The following CWH43 variants were observed in gnomAD, a reference collection of about 807,000 sequenced individuals.
CWH43 encodes the protein PGAP2-interacting protein.
A neutral mutation model predicts 85.7 loss-of-function variants in CWH43; 91 were observed. That is an observed-to-expected ratio of 1.06 (90% CI 0.90 to 1.26). The LOEUF is 1.26. Ranked by LOEUF, CWH43 falls within the 50% of genes most tolerant of loss-of-function variation. CWH43 has a pLI of 0.00. For missense variants in CWH43, 869 were observed against 839.2 expected (o/e 1.04, Z -0.44); for synonymous variants, 323 against 293.6 (o/e 1.10, Z -1.02).
chr4:49,054,949 C>A (rs938147741), intron 15 of CWH43, among the ~76,000 whole-genome samples: 12 of 151,814 alleles, frequency 7.9e-5, no homozygotes, highest in Non-Finnish European at 1.0e-4. Flanking sequence ...ATGTCACCTG[C>A]AAATAGGGAC....
intron 6 of CWH43, 126 bp downstream of exon 6, chr4:48,998,674 T>A (rs1397624668): frequency 1.4e-6 from 1 of 710,990 alleles, no homozygotes; most frequent in Admixed American, 2.0e-5. Context: ...AAATGGGCTG[T>A]TGTAAACAGC....
chr4:48,988,064 G>A (rs961284250), intron 1 of CWH43, among the ~76,000 whole-genome samples: 6 of 152,120 alleles, frequency 3.9e-5, no homozygotes, highest in East Asian at 1.9e-4. Flanking sequence ...AAAGGAACAC[G>A]CAAGGGATGT....
At chr4:49,015,262 G>GT (rs141292288) in intron 8 of CWH43, among the ~76,000 whole-genome samples, 53 of 144,814 alleles carry the variant, frequency 3.7e-4, no homozygotes, top group East Asian at 1.0e-3. Flanking sequence ...ATTGATTAGG[G>GT]TTTTTTTTTT....
chr4:49,008,667 A>G (rs1297046152), intron 8 of CWH43, among the ~76,000 whole-genome samples: 8 of 152,146 alleles, frequency 5.3e-5, no homozygotes, highest in African/African-American at 1.9e-4. Flanking sequence ...TGCAAGGAAG[A>G]AATCCAGTTT....
At chr4:49,041,025 G>A (rs1457124237) in intron 13 of CWH43, among the ~76,000 whole-genome samples, 1 of 152,096 alleles carries the variant, frequency 6.6e-6, no homozygotes, top group Non-Finnish European at 1.5e-5. Flanking sequence ...GCTTGTTTTT[G>A]TCAGGTTTGT....
intron 4 of CWH43, among the ~76,000 whole-genome samples, chr4:48,993,877 C>A (rs921238992): frequency 2.0e-5 from 3 of 152,130 alleles, no homozygotes; most frequent in African/African-American, 7.2e-5. Context: ...GACTCAGCCT[C>A]CCGAGTAGCT....
At chr4:49,028,462 C>G (rs570645584) in intron 9 of CWH43, among the ~76,000 whole-genome samples, 167 bp from the exon 10 acceptor site, 1 of 152,318 alleles carries the variant, frequency 6.6e-6, no homozygotes, top group Admixed American at 6.5e-5. Flanking sequence ...TTTGAGAATG[C>G]CATATAGCAA....
chr4:49,033,001 T>C (rs1481738025), intron 12 of CWH43, among the ~76,000 whole-genome samples: 1 of 152,104 alleles, frequency 6.6e-6, no homozygotes, highest in Non-Finnish European at 1.5e-5. Flanking sequence ...CTCTTCACTC[T>C]GTGTAGGGTA....
At position 49,032,666 on chromosome 4, in the gene CWH43, A is replaced by G. The variant is rs143606614; in HGVS notation, c.1609A>G (p.Ile537Val). The G allele has an allele frequency of 3.1e-6, 5 of 1,613,882 alleles. No homozygotes were observed. Among genetic ancestry groups the G allele is most frequent in the Non-Finnish European group, 4.2e-6 (5 of 1,179,946 alleles). ...ACCAGCCATCACATTGACCGTTAAC[A>G]TTTCGGGCAAGCTGGTGGATTTTGT... ...IAPAITLTVN[I>V]SGKLVDFVVT... Residue 537 changes from isoleucine to valine, a missense_variant, in exon 12 of 16, where the codon ATT (isoleucine) becomes GTT (valine). By Grantham distance (29) the Ile-to-Val change is conservative. This residue lies in a region of CWH43 where 577 missense variants were observed against 513.1 expected (regional missense o/e 1.12). Transcript: ENST00000226432.
chr4:49,038,309 C>A, intron 13 of CWH43, 129 bp downstream of exon 13: 1 of 699,022 alleles, frequency 1.4e-6, no homozygotes, highest in East Asian at 2.8e-5. Flanking sequence ...AGAAAATCAC[C>A]ACAAAACATG....
intron 9 of CWH43, among the ~76,000 whole-genome samples, chr4:49,022,179 G>A (rs1313514500): frequency 2.6e-5 from 4 of 152,132 alleles, no homozygotes; most frequent in African/African-American, 7.2e-5. Flanking sequence ...AATGTTGGCC[G>A]TGGGTTTATA....
In CWH43 at chr4:49,061,871, C is replaced by A. The variant is rs1366254737; in HGVS notation, c.2081C>A (p.Thr694Asn). Residue 694 changes from threonine (T) to asparagine (N), a missense_variant, in exon 16 of 16, where the codon ACT (threonine) becomes AAT (asparagine). By Grantham distance (65) the Thr-to-Asn change is moderately conservative. This residue lies in a region of CWH43 where 577 missense variants were observed against 513.1 expected (regional missense o/e 1.12). Coordinates refer to ENST00000226432, the MANE Select transcript of CWH43 (RefSeq NM_025087.3). ...YENNHHFHMN[T>N]PKYFL is the part of the protein sequence containing the mutation. ...AACAACCATCATTTTCATATGAATA[C>A]TCCCAAATACTTTTTATGAAACATT... 1 of 1,375,728 alleles carries A rather than the reference C, an allele frequency of 7.3e-7. No homozygotes were observed. Among genetic ancestry groups the A allele is most frequent in the Non-Finnish European group, 9.7e-7 (1 of 1,035,702 alleles). 85.2% of individuals were successfully genotyped at this position (1,375,728 alleles called of 1,614,324 possible).
chr4:48,994,941 T>A, intron 5 of CWH43, 121 bp downstream of exon 5: 2 of 817,182 alleles, frequency 2.4e-6, no homozygotes, highest in Non-Finnish European at 4.2e-6. Flanking sequence ...TCCCTAGATA[T>A]CAGAATGTGG....
intron 5 of CWH43, among the ~76,000 whole-genome samples, chr4:48,997,495 A>G (rs1279803538): frequency 6.6e-6 from 1 of 152,174 alleles, no homozygotes; most frequent in Non-Finnish European, 1.5e-5. Context: ...TGGGCACTCA[A>G]AAATATTTGT....
chr4:49,007,371 T>A, intron 8 of CWH43, 45 bp downstream of exon 8: 1 of 1,469,972 alleles, frequency 6.8e-7, no homozygotes, highest in Non-Finnish European at 9.0e-7. Flanking sequence ...TTATATAAAA[T>A]TCTAAACGTA....
intron 9 of CWH43, among the ~76,000 whole-genome samples, chr4:49,018,513 T>C (rs767952913): frequency 8.5e-5 from 13 of 152,378 alleles, no homozygotes; most frequent in South Asian, 2.1e-4. Flanking sequence ...GGGTAGCTTA[T>C]GCCTTGACAG....
intron 9 of CWH43, among the ~76,000 whole-genome samples, chr4:49,025,809 T>C (rs1783898416): frequency 6.6e-6 from 1 of 152,192 alleles, no homozygotes; most frequent in African/African-American, 2.4e-5. Context: ...TTGTTAAGTG[T>C]GCTGGTTTTG....
intron 2 of CWH43, among the ~76,000 whole-genome samples, chr4:48,990,205 C>G (rs1465080702): frequency 6.6e-6 from 1 of 152,148 alleles, no homozygotes; most frequent in East Asian, 1.9e-4. Context: ...TTGATGCTTC[C>G]TATTCCCTTT....
chr4:49,009,413 A>G (rs573134884), intron 8 of CWH43, among the ~76,000 whole-genome samples: 1 of 152,186 alleles, frequency 6.6e-6, no homozygotes, highest in Non-Finnish European at 1.5e-5. Flanking sequence ...CAGTCATGTC[A>G]TCTGCAAACA....
Sources: gnomAD v4.1 joint callset for allele counts (sites outside exome capture counted in the v4.1 genomes callset) on GRCh38, gnomAD v4.1.1 for gene constraint, gnomAD v4.1.1 regional missense constraint, MANE v1.5 for transcripts, NCBI Gene and HGNC (gene_info 2026-07-23, HGNC 2026-07-21) for gene names.